ULK4: variants seen among roughly 807,000 people sequenced by gnomAD.
ULK4 encodes the protein inactive serine/threonine-protein kinase ULK4.
In ULK4, 133 loss-of-function variants were observed where a neutral mutation model predicts 160.6. That is an observed-to-expected ratio of 0.83 (90% CI 0.72 to 0.96). The LOEUF (loss-of-function observed/expected upper bound fraction) is 0.96, where lower values mean the gene tolerates loss of function less well. Ranked by LOEUF, ULK4 falls within the 40% of genes least tolerant of loss-of-function variation. The pLI is 0.00. For synonymous variants in ULK4, 534 were observed against 539.8 expected, an observed-to-expected ratio of 0.99 and a Z score of 0.15; for missense variants, 1,580 against 1,499.5, an observed-to-expected ratio of 1.05 and a Z score of -0.89.
intron 20 of ULK4, among the ~76,000 whole-genome samples, chr3:41,795,732 T>G (rs947915371): frequency 1.3e-5 from 2 of 152,190 alleles, no homozygotes; most frequent in African/African-American, 4.8e-5. Context: ...GAAGAAGAGA[T>G]ATGATTTTAT....
At chr3:41,531,667 G>C (rs1326963563) in intron 32 of ULK4, among the ~76,000 whole-genome samples, 2 of 152,082 alleles carry the variant, frequency 1.3e-5, no homozygotes, top group African/African-American at 2.4e-5. Context: ...ATACTGTAAG[G>C]TGTTTTATTC....
Position 41,406,004 on chromosome 3 carries a change from G to A in ULK4, c.3493-7740C>T, listed in dbSNP as rs192236948. 9.2e-5 allele frequency among the ~76,000 whole-genome samples: 14 copies of A among 152,116 alleles called. No individual in the cohort carries two copies. In the East Asian group the frequency reaches 2.7e-3, roughly 29 times the overall value. ...CTGTCCATCAATTTTTGTTTGTGTT[G>A]CAATTGCTTTTGAGGATTTAGTCCT... On this transcript the variant is annotated intron_variant, in intron 34 of 36. Transcript: ENST00000301831.
At chr3:41,745,324 G>GTACAAATACTTCA (rs2038382753) in intron 22 of ULK4, among the ~76,000 whole-genome samples, 1 of 151,114 alleles carries the variant, frequency 6.6e-6, no homozygotes, top group Admixed American at 6.6e-5. Flanking sequence ...GAATGAAAAG[G>GTACAAATACTTCA]GATATCACTA....
intron 35 of ULK4, among the ~76,000 whole-genome samples, chr3:41,358,826 T>C (rs561046432): frequency 1.8e-4 from 27 of 152,130 alleles, no homozygotes; most frequent in Admixed American, 3.9e-4. Context: ...TTTCAGAGGA[T>C]GGCTCTGGCT....
chr3:41,896,254 T>A (rs1698150434), intron 15 of ULK4, among the ~76,000 whole-genome samples: 1 of 152,116 alleles, frequency 6.6e-6, no homozygotes. Flanking sequence ...TATCACTTTT[T>A]TTTTATTTTT....
At chr3:41,363,389 G>A (rs932866620) in intron 35 of ULK4, among the ~76,000 whole-genome samples, 2 of 152,176 alleles carry the variant, frequency 1.3e-5, no homozygotes, top group East Asian at 1.9e-4. Flanking sequence ...CAAGGCAGAT[G>A]CCTGGTTTGG....
intron 32 of ULK4, among the ~76,000 whole-genome samples, chr3:41,496,213 T>G (rs1010164296): frequency 1.3e-5 from 2 of 151,998 alleles, no homozygotes; most frequent in African/African-American, 4.8e-5. Context: ...CTTAAATAAA[T>G]GAATAAATGC....
intron 19 of ULK4, among the ~76,000 whole-genome samples, chr3:41,805,546 A>G (rs917229671): frequency 5.9e-5 from 9 of 151,298 alleles, no homozygotes; most frequent in African/African-American, 1.9e-4. Context: ...GAGAGAGGGC[A>G]TCCCTGTCTT....
intron 29 of ULK4, among the ~76,000 whole-genome samples, chr3:41,676,166 T>C (rs1166275440): frequency 6.6e-6 from 1 of 152,218 alleles, no homozygotes; most frequent in African/African-American, 2.4e-5. Context: ...AAGTTCATGG[T>C]GATTTATGTA....
At position 41,660,247 on chromosome 3, in the gene ULK4, A is replaced by G. The variant is rs188453329; in HGVS notation, c.3071+3360T>C. Among the ~76,000 whole-genome samples the G allele has an allele frequency of 3.3e-3, 504 of 152,236 alleles. 1 individual carries two copies. Among genetic ancestry groups the G allele is most frequent in the Middle Eastern group, 0.01 (3 of 294 alleles). ...GAAGCGGAGGTTGTGATGAGCCGAG[A>G]TTGTGCCATTGCACACCAGCCTGTG... On this transcript the variant is annotated intron_variant, in intron 30 of 36. Transcript: ENST00000301831.
At chr3:41,635,042 G>T (rs1183523352) in intron 30 of ULK4, among the ~76,000 whole-genome samples, 2 of 152,182 alleles carry the variant, frequency 1.3e-5, no homozygotes, top group African/African-American at 4.8e-5. Context: ...AAGGTGAAAT[G>T]AAAACGGTCA....
At position 41,585,579 on chromosome 3, in the gene ULK4, T is replaced by C. The variant is rs2030734075; in HGVS notation, c.3121-19449A>G. ...ACGATAAAACTTCTAGAAGAAAACA[T>C]AGAGGAAAGCTTTGGGACATTGAAT... On this transcript the variant is annotated intron_variant, in intron 31 of 36. Coordinates refer to ENST00000301831, the MANE Select transcript of ULK4 (RefSeq NM_017886.4). Among the ~76,000 whole-genome samples, 2 of 152,162 alleles carry C rather than the reference T, an allele frequency of 1.3e-5. 1 individual carries two copies. The highest frequency in any genetic ancestry group is 3.9e-4 in the East Asian group (2 of 5,174).
intron 32 of ULK4, among the ~76,000 whole-genome samples, chr3:41,540,432 C>T (rs1206382421): frequency 6.6e-6 from 1 of 152,096 alleles, no homozygotes; most frequent in South Asian, 2.1e-4. Context: ...TTATCCATTC[C>T]ATCACTGATG....
Position 41,789,775 on chromosome 3 carries a change from G to C in ULK4, c.2079C>G (p.Asn693Lys), listed in dbSNP as rs199762192. ...CAGAGGCCAGGGAGTTTATTACTGA[G>C]TTCAGTCCCACCTTTTCAATAACAT... Reference protein sequence around the residue: ...FQNVIEKVGLNSVINSLASAI... With the variant: ...FQNVIEKVGLKSVINSLASAI... The change falls in exon 21 of 37, where the codon AAC becomes AAG. Residue 693 changes from asparagine (N) to lysine (K), a missense_variant. By Grantham distance (94) the Asn-to-Lys change is moderately conservative. Coordinates refer to ENST00000301831, the MANE Select transcript of ULK4 (RefSeq NM_017886.4). 1.2e-6 allele frequency: 2 copies of C among 1,613,806 alleles called. No individual in the cohort carries two copies. Among genetic ancestry groups the C allele is most frequent in the East Asian group, 4.5e-5 (2 of 44,838 alleles).
At chr3:41,693,989 T>A (rs2036400661) in intron 27 of ULK4, among the ~76,000 whole-genome samples, 1 of 152,218 alleles carries the variant, frequency 6.6e-6, no homozygotes, top group African/African-American at 2.4e-5. Context: ...TGCTTGGAGA[T>A]GACAAGAGGT....
At chr3:41,372,117 C>A (rs1480085115) in intron 35 of ULK4, among the ~76,000 whole-genome samples, 1 of 151,850 alleles carries the variant, frequency 6.6e-6, no homozygotes, top group African/African-American at 2.4e-5. Context: ...AAGGAACAAA[C>A]AAAGCCTCCA....
chr3:41,907,944 G>C lies in ULK4; in HGVS notation c.1086-3C>G. 6.3e-7 allele frequency: 1 copy of C among 1,591,646 alleles called. No individual in the cohort carries two copies. Among genetic ancestry groups the C allele is most frequent in the Non-Finnish European group, 8.6e-7 (1 of 1,169,588 alleles). ...TAGTTCTGGGAGTAGGACGAGAACT[G>C]AAAAATACAAACCAGTTAACATTAT... is the stretch of plus-strand genomic sequence containing the variant. On this transcript the variant is annotated splice_region_variant and splice_polypyrimidine_tract_variant and intron_variant, in intron 11 of 36. Coordinates refer to ENST00000301831, the MANE Select transcript of ULK4 (RefSeq NM_017886.4).
intron 18 of ULK4, among the ~76,000 whole-genome samples, chr3:41,824,329 G>C (rs143298915): frequency 6.6e-6 from 1 of 151,970 alleles, no homozygotes; most frequent in Non-Finnish European, 1.5e-5. Flanking sequence ...CAGGACAGTG[G>C]GTGCAGCACA....
At chr3:41,924,630 T>C (rs1310727034) in intron 5 of ULK4, among the ~76,000 whole-genome samples, 4 of 152,224 alleles carry the variant, frequency 2.6e-5, no homozygotes, top group Non-Finnish European at 4.4e-5. Context: ...CCTACTAACA[T>C]AGACCACAAC....
Sources: gnomAD v4.1 joint callset for allele counts (sites outside exome capture counted in the v4.1 genomes callset) on GRCh38, gnomAD v4.1.1 for gene constraint, MANE v1.5 for transcripts, NCBI Gene and HGNC (gene_info 2026-07-23, HGNC 2026-07-21) for gene names.